The following MLXIP variants were observed in gnomAD, a reference collection of about 807,000 sequenced individuals.
MLXIP encodes the protein MLX interacting protein, also known as MLX-interacting protein.
Under a neutral mutation model 87.2 loss-of-function variants are expected in MLXIP, and 30 were observed. The ratio of observed to expected loss-of-function variants is 0.34; its 90% CI spans 0.26 to 0.47. The LOEUF (loss-of-function observed/expected upper bound fraction) is 0.47, where lower values mean the gene tolerates loss of function less well. Ranked by LOEUF, MLXIP falls within the 20% of genes least tolerant of loss-of-function variation. MLXIP has a pLI of 1.00. For synonymous variants in MLXIP, 530 were observed against 514.0 expected (o/e 1.03, Z -0.42); for missense variants, 1,002 against 1,240.1 (o/e 0.81, Z 2.88).
At chr12:122,110,614 A>C (rs1292150839) in intron 1 of MLXIP, among the ~76,000 whole-genome samples, 1 of 151,860 alleles carries the variant, frequency 6.6e-6, no homozygotes, top group African/African-American at 2.4e-5. Flanking sequence ...TACCAAAAAA[A>C]TTAAAATTTA....
intron 1 of MLXIP, among the ~76,000 whole-genome samples, chr12:122,094,114 T>G (rs1257175511): frequency 8.6e-5 from 11 of 127,968 alleles, no homozygotes; most frequent in African/African-American, 2.4e-4. Flanking sequence ...GTGTGGTGTG[T>G]TGTGTGTGTT....
chr12:122,086,874 T>C (rs540212777), intron 1 of MLXIP, among the ~76,000 whole-genome samples: 13 of 152,172 alleles, frequency 8.5e-5, no homozygotes, highest in Non-Finnish European at 1.9e-4. Flanking sequence ...TTGAAGAGAC[T>C]GACTCTCACA....
chr12:122,138,454 G>T lies in MLXIP; in HGVS notation c.2287G>T (p.Val763Leu), dbSNP rs767763149. 1.9e-6 allele frequency: 3 copies of T among 1,613,930 alleles called. No individual in the cohort carries two copies. The South Asian group carries it at 3.3e-5, about 18-fold the overall frequency. The change falls in exon 14 of 17, where the codon GTG (valine) becomes TTG (leucine). Residue 763 changes from valine to leucine, a missense_variant. Coordinates refer to ENST00000319080, the MANE Select transcript of MLXIP (RefSeq NM_014938.6). ...TCACGCCATCACACTGCAGAAGACT[G>T]TGGAGTACATCACCAAGCTGCAGCA... The part of the protein sequence containing the change: ...TSHAITLQKT[V>L]EYITKLQQER...
rs1197318680 is a variant in MLXIP at position 122,141,842 on chromosome 12, T to C, written c.*30T>C. The C allele has an allele frequency of 3.1e-6, 5 of 1,610,920 alleles. No individual in the cohort carries two copies. Among genetic ancestry groups the C allele is most frequent in the Non-Finnish European group, 4.2e-6 (5 of 1,179,182 alleles). ...TTAGCTGGCATGTGGCCGCATGAGA[T>C]GCCAGGAGACCCTTCCCTGCCCATG... On this transcript the variant is annotated 3_prime_UTR_variant, in exon 17 of 17. Coordinates refer to ENST00000319080, the MANE Select transcript of MLXIP (RefSeq NM_014938.6).
At chr12:122,092,267 T>A (rs1476824646) in intron 1 of MLXIP, among the ~76,000 whole-genome samples, 1 of 151,888 alleles carries the variant, frequency 6.6e-6, no homozygotes, top group Non-Finnish European at 1.5e-5. Flanking sequence ...CCTGGCTAAT[T>A]TTTGTATTTT....
intron 1 of MLXIP, among the ~76,000 whole-genome samples, chr12:122,096,444 C>T (rs1952353351): frequency 6.6e-6 from 1 of 152,158 alleles, no homozygotes; most frequent in Admixed American, 6.6e-5. Flanking sequence ...CTTCCTCCTC[C>T]TTCCTGATAG....
chr12:122,130,174 C>G, intron 6 of MLXIP, 62 bp downstream of exon 6: 1 of 1,521,144 alleles, frequency 6.6e-7, no homozygotes, highest in South Asian at 1.2e-5. Flanking sequence ...GCCAGGCCCC[C>G]TCTGGGCCAG....
At chr12:122,122,490 A>C (rs1023652502) in intron 1 of MLXIP, among the ~76,000 whole-genome samples, 2 of 151,834 alleles carry the variant, frequency 1.3e-5, no homozygotes, top group Non-Finnish European at 2.9e-5. Flanking sequence ...CAGCCTTCCA[A>C]GTAGCCAGGA....
chr12:122,101,566 A>T (rs557400983), intron 1 of MLXIP, among the ~76,000 whole-genome samples: 3,201 of 136,572 alleles, frequency 0.023, 44 homozygotes, highest in Non-Finnish European at 0.036. Flanking sequence ...TTATTTATTT[A>T]TTTTTTTCTT....
intron 1 of MLXIP, among the ~76,000 whole-genome samples, chr12:122,099,544 C>G (rs149001684): frequency 2.0e-5 from 3 of 152,240 alleles, no homozygotes; most frequent in Non-Finnish European, 4.4e-5. Context: ...CCCTGCAGCC[C>G]GGGCTGATTT....
In MLXIP at chr12:122,083,908, CG is replaced by C. The variant is rs1565954512; in HGVS notation, c.413+4644del. Among the ~76,000 whole-genome samples, 5 of 152,266 alleles carry C rather than the reference CG, an allele frequency of 3.3e-5. No individual in the cohort carries two copies. The South Asian group carries it at 1.0e-3, about 32-fold the overall frequency. On this transcript the variant is annotated intron_variant, in intron 1 of 16. Transcript: ENST00000319080. ...TTGGTTTTTCTCTTTTGCAGTCATA[CG>C]GAAGATAAGCAGTGTTTCTTCTCCT...
chr12:122,141,267 T>A, intron 16 of MLXIP, 184 bp downstream of exon 16: 1 of 396,456 alleles, frequency 2.5e-6, no homozygotes, highest in Non-Finnish European at 3.4e-6. Flanking sequence ...GCTCCTGCCC[T>A]TTTGTGTCTC....
chr12:122,080,895 C>T (rs932769004), intron 1 of MLXIP, among the ~76,000 whole-genome samples: 4 of 152,128 alleles, frequency 2.6e-5, no homozygotes, highest in African/African-American at 7.2e-5. Context: ...AAAACTTAAT[C>T]CTCTTCTTTA....
At chr12:122,085,553 G>A (rs375186041) in intron 1 of MLXIP, among the ~76,000 whole-genome samples, 2 of 152,106 alleles carry the variant, frequency 1.3e-5, no homozygotes, top group Admixed American at 6.5e-5. Flanking sequence ...ACAGGCACAT[G>A]CCACCATGCC....
At chr12:122,101,674 A>G (rs140649222) in intron 1 of MLXIP, among the ~76,000 whole-genome samples, 106,844 of 147,678 alleles carry the variant, frequency 0.72, 38,958 homozygotes, top group African/African-American at 0.83. Flanking sequence ...TCCGCCTCCC[A>G]GGTTCACGCC....
chr12:122,092,075 TTTTTCTTTTC>T (rs1168978615), intron 1 of MLXIP, among the ~76,000 whole-genome samples: 2 of 151,754 alleles, frequency 1.3e-5, no homozygotes, highest in South Asian at 2.1e-4. Context: ...TTTTTCTTTC[TTTTTCTTTTC>T]TTTTCTTTTC....
At chr12:122,094,622 T>A (rs1952318561) in intron 1 of MLXIP, among the ~76,000 whole-genome samples, 1 of 142,242 alleles carries the variant, frequency 7.0e-6, no homozygotes, top group South Asian at 2.3e-4. Context: ...GGTGTATGTT[T>A]TCGGTGTCTG....
Position 122,135,776 on chromosome 12 carries a change from G to A in MLXIP, c.2032+110G>A. On this transcript the variant is annotated intron_variant, in intron 11 of 16. Transcript: ENST00000319080. This position sits in a 1 kb window ranked among gnomAD's most constrained non-coding sequence, Gnocchi z 5.3. ...TCCCCAGGACGGAGCCTGGGCTTAGGACACACAGTGAGGTCTTGTAGGCCT... is the reference window on the plus strand; with the variant it reads ...TCCCCAGGACGGAGCCTGGGCTTAGAACACACAGTGAGGTCTTGTAGGCCT... 2 of 1,285,102 alleles carry A rather than the reference G, an allele frequency of 1.6e-6. No homozygotes were observed. The highest frequency in any genetic ancestry group is 2.1e-6 in the Non-Finnish European group (2 of 968,050). The allele number at this position is 1,285,102 out of a possible 1,614,324, so 79.6% of individuals were successfully genotyped here.
At chr12:122,107,137 C>G (rs912048455) in intron 1 of MLXIP, among the ~76,000 whole-genome samples, 1 of 152,206 alleles carries the variant, frequency 6.6e-6, no homozygotes, top group African/African-American at 2.4e-5. Flanking sequence ...ATAAGGGTCA[C>G]TGCTGTGAAG....
Sources: gnomAD v4.1 joint callset for allele counts (sites outside exome capture counted in the v4.1 genomes callset) on GRCh38, gnomAD v4.1.1 for gene constraint, Gnocchi (gnomAD v3.1) non-coding constraint, MANE v1.5 for transcripts, NCBI Gene and HGNC (gene_info 2026-07-23, HGNC 2026-07-21) for gene names.